The following PHF21A variants were observed in gnomAD, a reference collection of about 807,000 sequenced individuals.
PHF21A encodes the protein BHC80a.
Under a neutral mutation model 82.5 loss-of-function variants are expected in PHF21A, and 11 were observed. The ratio of observed to expected loss-of-function variants is 0.13; its 90% CI spans 0.08 to 0.22. The LOEUF is 0.22. Ranked by LOEUF, PHF21A falls within the 10% of genes least tolerant of loss-of-function variation. The probability of loss-of-function intolerance (pLI) is 1.00; values close to 1 mark genes in which losing one functional copy is unlikely to be tolerated. For synonymous variants in PHF21A, 297 were observed against 302.8 expected (o/e 0.98, Z 0.20); for missense variants, 579 against 837.8 (o/e 0.69, Z 3.81).
chr11:45,936,881 A>G, intron 16 of PHF21A: 1 of 247,532 alleles, frequency 4.0e-6, no homozygotes, highest in Non-Finnish European at 7.8e-6. Context: ...AGCTAGAACC[A>G]CCAACACAAA....
At chr11:45,972,188 A>G (rs1048879731) in intron 7 of PHF21A, among the ~76,000 whole-genome samples, 2 of 152,122 alleles carry the variant, frequency 1.3e-5, no homozygotes, top group Non-Finnish European at 2.9e-5. Context: ...AGATCAGAAG[A>G]TGAACTGAGG....
At chr11:46,045,503 A>G (rs573227692) in intron 6 of PHF21A, among the ~76,000 whole-genome samples, 1 of 152,190 alleles carries the variant, frequency 6.6e-6, no homozygotes, top group African/African-American at 2.4e-5. Context: ...ATTACTTGCT[A>G]TATTTTACCC....
At chr11:45,965,671 A>G (rs2093392347) in intron 9 of PHF21A, 63 bp from the exon 10 acceptor site, 2 of 1,223,770 alleles carry the variant, frequency 1.6e-6, no homozygotes, top group African/African-American at 1.5e-5. Flanking sequence ...ATAAAAGCAA[A>G]TCTTCCACAC....
chr11:46,030,202 A>G (rs1277654651), intron 6 of PHF21A, among the ~76,000 whole-genome samples: 1 of 152,240 alleles, frequency 6.6e-6, no homozygotes, highest in Non-Finnish European at 1.5e-5. Context: ...CAGCCTCTGA[A>G]AAGAGCTTAT....
At chr11:45,963,414 C>G in intron 10 of PHF21A, among the ~76,000 whole-genome samples, 1 of 111,984 alleles carries the variant, frequency 8.9e-6, no homozygotes, top group African/African-American at 3.7e-5. Context: ...GAGTAAAACT[C>G]TGTGTCAAAA....
chr11:46,064,636 C>T (rs1187875657), intron 6 of PHF21A, among the ~76,000 whole-genome samples: 1 of 152,076 alleles, frequency 6.6e-6, no homozygotes, highest in Non-Finnish European at 1.5e-5. Context: ...ATACCCTAAT[C>T]TGTTGGGGAA....
At chr11:45,985,593 G>T (rs1335569105) in intron 6 of PHF21A, among the ~76,000 whole-genome samples, 1 of 152,194 alleles carries the variant, frequency 6.6e-6, no homozygotes, top group African/African-American at 2.4e-5. Context: ...AATACTGGTG[G>T]CAGAAGCTAT....
At chr11:46,009,680 T>C (rs1328762367) in intron 6 of PHF21A, among the ~76,000 whole-genome samples, 12 of 152,170 alleles carry the variant, frequency 7.9e-5, no homozygotes, top group South Asian at 2.1e-4. Flanking sequence ...AAGTAGCAAA[T>C]AGCAGAGCCA....
intron 6 of PHF21A, among the ~76,000 whole-genome samples, chr11:46,017,280 T>C (rs967028282): frequency 6.6e-6 from 1 of 152,236 alleles, no homozygotes; most frequent in African/African-American, 2.4e-5. Context: ...CTACATCTAT[T>C]AATTTTTAAC....
chr11:46,078,894 C>G (rs1294616990), intron 5 of PHF21A, among the ~76,000 whole-genome samples: 1 of 151,978 alleles, frequency 6.6e-6, no homozygotes, highest in Non-Finnish European at 1.5e-5. Flanking sequence ...CTAAAATACT[C>G]AAACCAATTA....
intron 15 of PHF21A, among the ~76,000 whole-genome samples, chr11:45,941,184 G>A (rs549507637): frequency 4.6e-5 from 7 of 151,834 alleles, no homozygotes; most frequent in African/African-American, 1.2e-4. Context: ...CTGCAGCCTC[G>A]ACCTCCCAGG....
At chr11:46,041,447 A>G (rs1263339012) in intron 6 of PHF21A, among the ~76,000 whole-genome samples, 1 of 152,188 alleles carries the variant, frequency 6.6e-6, no homozygotes, top group East Asian at 1.9e-4. Flanking sequence ...TTTTTTAGTC[A>G]TCTGAGTCAA....
chr11:45,976,533 T>C (rs2094030739), intron 7 of PHF21A, among the ~76,000 whole-genome samples: 1 of 152,180 alleles, frequency 6.6e-6, no homozygotes, highest in African/African-American at 2.4e-5. Flanking sequence ...CCACATAGAT[T>C]GGTAGTACCA....
intron 18 of PHF21A, chr11:45,935,383 A>G (rs2088668291): frequency 2.5e-6 from 2 of 787,532 alleles, no homozygotes; most frequent in Non-Finnish European, 4.0e-6. Flanking sequence ...CAGCCTGAAG[A>G]CTGAAAATCC....
chr11:46,106,481 T>C (rs2097153508), intron 1 of PHF21A, among the ~76,000 whole-genome samples: 1 of 152,162 alleles, frequency 6.6e-6, no homozygotes, highest in Admixed American at 6.5e-5. Flanking sequence ...AGAATTCTGC[T>C]CTGAGGTGTT....
At chr11:46,060,323 A>G (rs981884756) in intron 6 of PHF21A, among the ~76,000 whole-genome samples, 1 of 152,198 alleles carries the variant, frequency 6.6e-6, no homozygotes, top group African/African-American at 2.4e-5. Context: ...TAAACTTTTG[A>G]AAAACAAATG....
intron 15 of PHF21A, among the ~76,000 whole-genome samples, chr11:45,943,740 AC>A (rs2090811716): frequency 6.6e-6 from 1 of 152,232 alleles, no homozygotes; most frequent in Non-Finnish European, 1.5e-5. Context: ...GGAAAAAGGC[AC>A]ATTTACAGGT....
rs192655307 is a variant in PHF21A, at chr11:45,950,362, T to A, written c.1096-105A>T. Reference sequence around the variant, plus strand: ...AGGGAAAGCCAGCCCAATGGGCGGGTCTCATGAATGCACAAGAGCAGGCAT... The same window carrying A: ...AGGGAAAGCCAGCCCAATGGGCGGGACTCATGAATGCACAAGAGCAGGCAT... On this transcript the variant is annotated intron_variant, in intron 11 of 18. Coordinates refer to ENST00000676320, the MANE Select transcript of PHF21A (RefSeq NM_001352027.3). 2.5e-5 allele frequency: 21 copies of A among 836,044 alleles called. No individual in the cohort carries two copies. The Admixed American group carries it at 4.6e-4, about 18-fold the overall frequency. The allele number at this position is 836,044 out of a possible 1,614,324, so 51.8% of individuals were successfully genotyped here. A position where few individuals can be genotyped will look rare whatever the true frequency, so the allele number is the denominator to read the frequency against.
intron 6 of PHF21A, among the ~76,000 whole-genome samples, chr11:46,013,700 G>A (rs1354768814): frequency 6.6e-6 from 1 of 152,142 alleles, no homozygotes; most frequent in Non-Finnish European, 1.5e-5. Context: ...ACACACCTAG[G>A]CTATATGGTA....
Sources: allele counts gnomAD v4.1 joint callset (sites outside exome capture counted in the v4.1 genomes callset), GRCh38; gene constraint gnomAD v4.1.1; transcripts MANE v1.5; gene names NCBI Gene and HGNC (gene_info 2026-07-23, HGNC 2026-07-21).